PAX8: variants seen among roughly 807,000 people sequenced by gnomAD.
PAX8 encodes paired box 8, also known as paired box protein Pax-8.
Under a neutral mutation model 52.4 loss-of-function variants are expected in PAX8, and 15 were observed. That is an observed-to-expected ratio of 0.29 (90% CI 0.19 to 0.44). The LOEUF is 0.44. PAX8 is among the 20% of genes least tolerant of loss of function. The probability of loss-of-function intolerance (pLI) is 1.00; values close to 1 mark genes in which losing one functional copy is unlikely to be tolerated. For missense variants in PAX8, 554 were observed against 602.5 expected, an observed-to-expected ratio of 0.92 and a Z score of 0.84; for synonymous variants, 284 against 249.7, an observed-to-expected ratio of 1.14 and a Z score of -1.29.
At chr2:113,271,529 G>A (rs1386479465) in intron 2 of PAX8, 2 of 151,886 alleles carry the variant, frequency 1.3e-5, no homozygotes, top group Non-Finnish European at 2.9e-5. Flanking sequence ...CAGATGGGAA[G>A]ACTGAGAACC....
intron 10 of PAX8, chr2:113,226,380 A>C: frequency 1.0e-6 from 1 of 985,716 alleles, no homozygotes; most frequent in Middle Eastern, 5.2e-4. Context: ...TCCATCCCAA[A>C]GTCTTCCCTA....
At chr2:113,270,526 T>G (rs1693397740) in intron 2 of PAX8, 1 of 152,214 alleles carries the variant, frequency 6.6e-6, no homozygotes. Context: ...CAAAAGCCTC[T>G]CATTCTCTTG....
At chr2:113,257,666 G>C (rs1417278014) in intron 2 of PAX8, among the ~76,000 whole-genome samples, 1 of 152,136 alleles carries the variant, frequency 6.6e-6, no homozygotes, top group Non-Finnish European at 1.5e-5. Flanking sequence ...AATCAAACTA[G>C]GCTCGTATTT....
At chr2:113,226,930 C>G in intron 10 of PAX8, 1 of 1,446,050 alleles carries the variant, frequency 6.9e-7, no homozygotes, top group Non-Finnish European at 9.2e-7. Flanking sequence ...ATGTAGCAGG[C>G]CTGGGAAGAA....
In PAX8 at chr2:113,235,545, G is replaced by C; in HGVS notation, c.936C>G (p.Pro312=). The C allele has an allele frequency of 6.2e-7, 1 of 1,613,708 alleles. No individual in the cohort carries two copies. ...HSPFAIKQET[P]EVSSSSSTPS... ...GGGTGGAGCTAGAACTGGACACCTC[G>C]GGGGTTTCCTGCTTTATGGCGAAGG... Residue 312 remains proline (P), a synonymous_variant, in exon 9 of 12, where the codon CCC becomes CCG. Coordinates refer to ENST00000429538, the MANE Select transcript of PAX8 (RefSeq NM_003466.4).
rs529398611 is a variant in PAX8 at position 113,244,671 on chromosome 2, G to A, written c.192-47C>T. ...AAGAATTACCCAATAAGCAGGTGGGGTCTTTAGACAGGGATTTAGCCAGAG... is the reference window on the plus strand; with the variant it reads ...AAGAATTACCCAATAAGCAGGTGGGATCTTTAGACAGGGATTTAGCCAGAG... On this transcript the variant is annotated intron_variant, in intron 3 of 11. Transcript: ENST00000429538. The A allele has an allele frequency of 4.7e-5, 73 of 1,567,834 alleles. No homozygotes were observed. In the African/African-American group the frequency reaches 7.5e-4, roughly 16 times the overall value.
At chr2:113,241,033 T>G in intron 7 of PAX8, 1 of 214,170 alleles carries the variant, frequency 4.7e-6, no homozygotes. Flanking sequence ...CTAGTGGTAT[T>G]TTTCCATGCA....
At chr2:113,248,254 A>G (rs1331314715) in intron 2 of PAX8, among the ~76,000 whole-genome samples, 3 of 152,174 alleles carry the variant, frequency 2.0e-5, no homozygotes, top group Non-Finnish European at 2.9e-5. Context: ...CTCAGCTTAT[A>G]TGAGGAGGAG....
intron 2 of PAX8, among the ~76,000 whole-genome samples, chr2:113,262,829 C>T (rs1692785581): frequency 6.6e-6 from 1 of 152,226 alleles, no homozygotes; most frequent in Non-Finnish European, 1.5e-5. Context: ...AGATTCTCCT[C>T]CAGCCTCAGA....
chr2:113,241,741 G>A lies in PAX8; in HGVS notation c.602-15C>T. On this transcript the variant is annotated splice_polypyrimidine_tract_variant and intron_variant, in intron 6 of 11. Coordinates refer to ENST00000429538, the MANE Select transcript of PAX8 (RefSeq NM_003466.4). ...ATCCTGATCACCTGGTACCCCCCGG[G>A]AAGGAAGAAAGCTTTTAGGGGACCT... 6.2e-7 allele frequency: 1 copy of A among 1,613,660 alleles called. No individual in the cohort carries two copies. Among genetic ancestry groups the A allele is most frequent in the Non-Finnish European group, 8.5e-7 (1 of 1,179,770 alleles).
Position 113,218,621 on chromosome 2 carries a change from A to C in PAX8, c.1277-12T>G. Reference sequence around the variant, plus strand: ...ATAATATGGGGAACCTGGACACATTAAAAAAAAATAACAACAACACTGCTG... The same window carrying C: ...ATAATATGGGGAACCTGGACACATTCAAAAAAAATAACAACAACACTGCTG... On this transcript the variant is annotated splice_polypyrimidine_tract_variant and intron_variant, in intron 11 of 11. Transcript: ENST00000429538. 1 of 1,382,448 alleles carries C rather than the reference A, an allele frequency of 7.2e-7. No individual in the cohort carries two copies. The highest frequency in any genetic ancestry group is 9.9e-7 in the Non-Finnish European group (1 of 1,013,468). The allele number at this position is 1,382,448 out of a possible 1,614,324, so 85.6% of individuals were successfully genotyped here. A position where few individuals can be genotyped will look rare whatever the true frequency, so the allele number is the denominator to read the frequency against.
chr2:113,245,510 T>C (rs1274169021), intron 3 of PAX8, among the ~76,000 whole-genome samples: 1 of 152,210 alleles, frequency 6.6e-6, no homozygotes, highest in Non-Finnish European at 1.5e-5. Flanking sequence ...AGGTTCAAGT[T>C]GAAGCTTCTC....
intron 10 of PAX8, chr2:113,226,620 G>C (rs1367460265): frequency 1.9e-6 from 2 of 1,076,466 alleles, no homozygotes; most frequent in African/African-American, 1.6e-5. Context: ...ATCCATGCAG[G>C]CTTGAGAGAG....
At chr2:113,278,631 C>T (rs1384451831) in intron 1 of PAX8, 162 bp from the exon 2 acceptor site, 1 of 712,480 alleles carries the variant, frequency 1.4e-6, no homozygotes, top group East Asian at 2.8e-5. Context: ...AGCTAACAGG[C>T]TTCCCGGGAG....
intron 2 of PAX8, 25 bp downstream of exon 2, chr2:113,278,345 G>A (rs1558768443): frequency 6.5e-7 from 1 of 1,544,310 alleles, no homozygotes; most frequent in Admixed American, 1.7e-5. Context: ...GGGGCTCGGG[G>A]ATCCTGACCA....
At chr2:113,242,385 G>C (rs1055837246) in intron 5 of PAX8, among the ~76,000 whole-genome samples, 1 of 152,088 alleles carries the variant, frequency 6.6e-6, no homozygotes, top group African/African-American at 2.4e-5. Context: ...GCAGCAAGCC[G>C]AACCATGGAC....
chr2:113,226,799 C>T, intron 10 of PAX8: 1 of 1,219,206 alleles, frequency 8.2e-7, no homozygotes, highest in South Asian at 1.8e-5. Context: ...CTTCCACTCA[C>T]AGTGTTTTGG....
chr2:113,227,116 T>C (rs768894041), intron 10 of PAX8, 39 bp downstream of exon 10: 4 of 1,550,018 alleles, frequency 2.6e-6, no homozygotes, highest in Admixed American at 3.9e-5. Context: ...CAATACTTCC[T>C]CTTTGCAGTG....
At chr2:113,242,325 AG>A (rs1444583924) in intron 5 of PAX8, among the ~76,000 whole-genome samples, 195 bp from the exon 6 acceptor site, 2 of 151,626 alleles carry the variant, frequency 1.3e-5, no homozygotes, top group Admixed American at 1.3e-4. Flanking sequence ...GGAGAGGGTC[AG>A]GGAGTGAGAG....
Sources: gnomAD v4.1 joint callset for allele counts (sites outside exome capture counted in the v4.1 genomes callset) on GRCh38, gnomAD v4.1.1 for gene constraint, MANE v1.5 for transcripts, NCBI Gene and HGNC (gene_info 2026-07-23, HGNC 2026-07-21) for gene names.